Variants in KANSL1L observed in about 807,000 individuals in gnomAD.
KANSL1L encodes the protein KAT8 regulatory NSL complex subunit 1-like protein.
Under a neutral mutation model 108.6 loss-of-function variants are expected in KANSL1L, and 25 were observed. That is an observed-to-expected ratio of 0.23 (90% CI 0.17 to 0.32). The LOEUF (loss-of-function observed/expected upper bound fraction) is 0.32, where lower values mean the gene tolerates loss of function less well. Ranked by LOEUF, KANSL1L falls within the 10% of genes least tolerant of loss-of-function variation. The probability of loss-of-function intolerance (pLI) is 1.00; values close to 1 mark genes in which losing one functional copy is unlikely to be tolerated. For synonymous variants in KANSL1L, 405 were observed against 395.1 expected (o/e 1.03, Z -0.30); for missense variants, 1,137 against 1,125.7 (o/e 1.01, Z -0.14).
At chr2:210,162,222 G>GTATATATGTATATATATATATATATATA (rs2095365252) in intron 1 of KANSL1L, among the ~76,000 whole-genome samples, 1 of 107,474 alleles carries the variant, frequency 9.3e-6, no homozygotes, top group African/African-American at 3.5e-5. Flanking sequence ...AGTGGTTCAG[G>GTATATATGTATATATATATATATATATA]TATATATATA....
At chr2:210,082,753 T>G (rs763283486) in intron 5 of KANSL1L, among the ~76,000 whole-genome samples, 8 of 151,960 alleles carry the variant, frequency 5.3e-5, no homozygotes, top group Admixed American at 1.3e-4. Context: ...TTCTAACATT[T>G]CCCCCACATT....
At chr2:210,071,242 C>A (rs1365942726) in intron 6 of KANSL1L, among the ~76,000 whole-genome samples, 1 of 151,848 alleles carries the variant, frequency 6.6e-6, no homozygotes, top group Admixed American at 6.6e-5. Flanking sequence ...GCATCTGTGT[C>A]TAAATTCCCC....
intron 5 of KANSL1L, chr2:210,097,785 G>A (rs2094751690): frequency 5.7e-6 from 1 of 174,550 alleles, no homozygotes; most frequent in Non-Finnish European, 1.2e-5. Context: ...AAGGTACAAA[G>A]TGGAAGGTAT....
At chr2:210,162,837 T>G (rs556208812) in intron 1 of KANSL1L, among the ~76,000 whole-genome samples, 2 of 152,122 alleles carry the variant, frequency 1.3e-5, no homozygotes, top group East Asian at 1.9e-4. Flanking sequence ...CAGATGAAGA[T>G]AGCAAAGCCG....
chr2:210,068,469 T>G (rs1270658919), intron 6 of KANSL1L, among the ~76,000 whole-genome samples: 1 of 152,178 alleles, frequency 6.6e-6, no homozygotes, highest in Non-Finnish European at 1.5e-5. Flanking sequence ...AAGCCCAAAT[T>G]AGCAGTATTT....
At chr2:210,039,059 T>A (rs2094137642) in intron 8 of KANSL1L, among the ~76,000 whole-genome samples, 1 of 151,934 alleles carries the variant, frequency 6.6e-6, no homozygotes, top group Admixed American at 6.5e-5. Context: ...ATCTGCCTTC[T>A]ATCAGAACCA....
intron 6 of KANSL1L, among the ~76,000 whole-genome samples, chr2:210,067,471 G>T (rs972912791): frequency 5.9e-5 from 9 of 151,938 alleles, no homozygotes; most frequent in Non-Finnish European, 1.0e-4. Context: ...GGCCAAGGTG[G>T]GCAGATACTT....
chr2:210,088,843 TACTTTAAGAAGCAGC>T (rs1300680580), intron 5 of KANSL1L: 3 of 152,330 alleles, frequency 2.0e-5, no homozygotes, highest in African/African-American at 4.8e-5. Flanking sequence ...TACTGATGCT[TACTTTAAGAAGCAGC>T]AGCTGTGGAA....
rs774383405 is a variant in KANSL1L, at chr2:210,024,061, G to A, written c.2705C>T (p.Pro902Leu). 10 of 1,588,770 alleles carry A rather than the reference G, an allele frequency of 6.3e-6. No homozygotes were observed. The highest frequency in any genetic ancestry group is 1.7e-4 in the Middle Eastern group (1 of 5,978). ...ENQDLCAYGL[P>L]SLNQSQETKS... ...GGTTTCTTGACTTTGATTTAAAGAA[G>A]GTAAGCCATATGCACACAGATCCTG... The change falls in exon 14 of 15, where the codon CCT becomes CTT. Residue 902 changes from proline to leucine, a missense_variant. Around this residue, in one of 3 missense-constraint regions of KANSL1L, gnomAD observed 575 missense variants for 567.1 expected, o/e 1.01. Transcript: ENST00000281772.
At chr2:210,163,558 G>C (rs1352274613) in intron 1 of KANSL1L, among the ~76,000 whole-genome samples, 3 of 151,828 alleles carry the variant, frequency 2.0e-5, no homozygotes, top group Non-Finnish European at 4.4e-5. Context: ...ATGCATAATG[G>C]GAATACCAGA....
chr2:210,169,360 A>T (rs1032643090), intron 1 of KANSL1L, among the ~76,000 whole-genome samples: 1 of 152,242 alleles, frequency 6.6e-6, no homozygotes, highest in Non-Finnish European at 1.5e-5. Flanking sequence ...AGCAGCTATT[A>T]AAAATATTTT....
At chr2:210,103,988 C>A in intron 4 of KANSL1L, 116 bp downstream of exon 4, 1 of 726,072 alleles carries the variant, frequency 1.4e-6, no homozygotes. Context: ...TGCCAGATGG[C>A]CTAGTTTAAT....
At chr2:210,045,889 T>C (rs2094218045) in intron 6 of KANSL1L, among the ~76,000 whole-genome samples, 1 of 152,232 alleles carries the variant, frequency 6.6e-6, no homozygotes, top group Non-Finnish European at 1.5e-5. Context: ...CTTTACTTTT[T>C]TAGCAGGCTT....
Position 210,043,939 on chromosome 2 carries a change from C to A in KANSL1L, c.1921G>T (p.Asp641Tyr). The A allele has an allele frequency of 1.3e-6, 2 of 1,575,536 alleles. No individual in the cohort carries two copies. Among genetic ancestry groups the A allele is most frequent in the Non-Finnish European group, 1.7e-6 (2 of 1,160,466 alleles). ...TAGAAATTGTTACAAGGAGGCTTACCTGATGGCAATGATAGAACAGAATGG... is the reference window on the plus strand; with the variant it reads ...TAGAAATTGTTACAAGGAGGCTTACATGATGGCAATGATAGAACAGAATGG... Reference protein sequence around the residue: ...SFHSVLSLPSDVPLHFHFETL... With the variant: ...SFHSVLSLPSYVPLHFHFETL... Residue 641 changes from aspartate to tyrosine, a missense_variant and splice_region_variant, in exon 7 of 15, where the codon GAT (aspartate) becomes TAT (tyrosine). Around this residue, in one of 3 missense-constraint regions of KANSL1L, gnomAD observed 575 missense variants for 567.1 expected, o/e 1.01. Transcript: ENST00000281772.
intron 1 of KANSL1L, among the ~76,000 whole-genome samples, chr2:210,158,701 TAA>T (rs11318111): frequency 5.3e-4 from 73 of 136,804 alleles, no homozygotes; most frequent in Non-Finnish European, 8.1e-4. Context: ...TGTATCCTTA[TAA>T]AAAAAAAAAA....
At chr2:210,024,309 C>T in intron 13 of KANSL1L, 108 bp from the exon 14 acceptor site, 1 of 762,370 alleles carries the variant, frequency 1.3e-6, no homozygotes, top group Non-Finnish European at 2.0e-6. Context: ...TAACTTTAAA[C>T]AGTTTTGCCC....
chr2:210,131,762 C>T (rs1387293658), intron 2 of KANSL1L, among the ~76,000 whole-genome samples: 2 of 149,260 alleles, frequency 1.3e-5, no homozygotes, highest in Non-Finnish European at 1.5e-5. Context: ...TGCAGCGGTG[C>T]GATCTCTCCT....
chr2:210,153,516 G>T lies in KANSL1L; in HGVS notation c.1067C>A (p.Thr356Asn). ...TTACACTGCCACATTTTTTCTAAGG[G>T]TATATTCATCCAAATCGTCATCAGA... ...SSSDDDLDEY[T>N]LRKNVAVNCS... The change falls in exon 2 of 15, where the codon ACC becomes AAC. Residue 356 changes from threonine (T) to asparagine (N), a missense_variant. By Grantham distance (65) the Thr-to-Asn change is moderately conservative. This residue lies in a region of KANSL1L where 556 missense variants were observed against 537.7 expected (regional missense o/e 1.03). Coordinates refer to ENST00000281772, the MANE Select transcript of KANSL1L (RefSeq NM_152519.4). 1.2e-6 allele frequency: 2 copies of T among 1,613,842 alleles called. No individual in the cohort carries two copies. Among genetic ancestry groups the T allele is most frequent in the South Asian group, 1.1e-5 (1 of 91,062 alleles).
chr2:210,167,947 T>A (rs907113073), intron 1 of KANSL1L, among the ~76,000 whole-genome samples: 10 of 151,920 alleles, frequency 6.6e-5, no homozygotes, highest in African/African-American at 1.9e-4. Context: ...CAGTGAAAAG[T>A]CCCCATAAAA....
Sources: gnomAD v4.1 joint callset for allele counts (sites outside exome capture counted in the v4.1 genomes callset) on GRCh38, gnomAD v4.1.1 for gene constraint, gnomAD v4.1.1 regional missense constraint, MANE v1.5 for transcripts, NCBI Gene and HGNC (gene_info 2026-07-23, HGNC 2026-07-21) for gene names.